The following FHIT variants were observed in gnomAD, a reference collection of about 807,000 sequenced individuals.
The protein encoded by FHIT is fragile histidine triad diadenosine triphosphatase, also known as bis(5'-adenosyl)-triphosphatase.
FHIT carries 19 observed loss-of-function variants against 17.9 expected under a neutral mutation model. The ratio of observed to expected loss-of-function variants is 1.06; its 90% CI spans 0.74 to 1.56. FHIT has a LOEUF of 1.56. Ranked by LOEUF, FHIT falls within the 40% of genes most tolerant of loss-of-function variation. The pLI, the probability that FHIT is intolerant of heterozygous loss-of-function variation, is 0.00. For missense variants in FHIT, 248 were observed against 189.2 expected (o/e 1.31, Z -1.82); for synonymous variants, 81 against 69.7 (o/e 1.16, Z -0.81).
chr3:60,145,477 C>T, intron 5 of FHIT, among the ~76,000 whole-genome samples: 2 of 152,104 alleles, frequency 1.3e-5, no homozygotes, highest in East Asian at 3.9e-4. Flanking sequence ...CATTTTGCCT[C>T]CAATTTAGTT....
chr3:59,907,736 T>G (rs767767609), intron 8 of FHIT, among the ~76,000 whole-genome samples: 2 of 152,236 alleles, frequency 1.3e-5, no homozygotes, highest in African/African-American at 4.8e-5. Flanking sequence ...ACAAACTCAG[T>G]GGCTTAAAAC....
chr3:60,994,598 G>A (rs916172728), intron 3 of FHIT, among the ~76,000 whole-genome samples: 7 of 152,100 alleles, frequency 4.6e-5, no homozygotes, highest in Admixed American at 6.6e-5. Context: ...AGATCATGCC[G>A]ATCAAGTACT....
At chr3:60,639,357 T>C (rs1301676157) in intron 4 of FHIT, among the ~76,000 whole-genome samples, 1 of 152,048 alleles carries the variant, frequency 6.6e-6, no homozygotes, top group African/African-American at 2.4e-5. Flanking sequence ...TGCAAATTCC[T>C]AAACTGCAAA....
chr3:60,325,022 T>G (rs1269317345), intron 5 of FHIT, among the ~76,000 whole-genome samples: 1 of 152,166 alleles, frequency 6.6e-6, no homozygotes, highest in Non-Finnish European at 1.5e-5. Flanking sequence ...GTTTCTACTG[T>G]GCTAATATAT....
chr3:60,050,547 C>A (rs2106876967), intron 5 of FHIT, among the ~76,000 whole-genome samples: 1 of 152,196 alleles, frequency 6.6e-6, no homozygotes, highest in East Asian at 1.9e-4. Context: ...GCATAAAATA[C>A]TATATATATA....
At chr3:61,109,489 G>A (rs544290687) in intron 2 of FHIT, among the ~76,000 whole-genome samples, 14 of 152,200 alleles carry the variant, frequency 9.2e-5, no homozygotes, top group African/African-American at 3.4e-4. Context: ...CATATAAACT[G>A]CATGTTTTTT....
intron 8 of FHIT, among the ~76,000 whole-genome samples, chr3:59,783,034 G>C (rs978272076): frequency 6.6e-6 from 1 of 152,064 alleles, no homozygotes; most frequent in Non-Finnish European, 1.5e-5. Flanking sequence ...TAGGTGTCTG[G>C]GGAGTAGGGG....
At chr3:60,534,290 G>A (rs543244320) in intron 5 of FHIT, among the ~76,000 whole-genome samples, 2 of 149,514 alleles carry the variant, frequency 1.3e-5, no homozygotes, top group Admixed American at 6.7e-5. Context: ...AAAATTAGCC[G>A]GGCGCGGTGG....
intron 8 of FHIT, among the ~76,000 whole-genome samples, chr3:59,891,810 T>C (rs892509317): frequency 3.3e-5 from 5 of 152,128 alleles, no homozygotes; most frequent in African/African-American, 9.7e-5. Context: ...TGAGGAGTGA[T>C]CCATTTAAAG....
At chr3:60,055,134 T>A (rs1702030559) in intron 5 of FHIT, among the ~76,000 whole-genome samples, 1 of 152,162 alleles carries the variant, frequency 6.6e-6, no homozygotes, top group South Asian at 2.1e-4. Context: ...CTCATATACT[T>A]TTCTCACATG....
rs770833079 is a variant in FHIT at position 60,536,931 on chromosome 3, T to G, written c.32A>C (p.Lys11Thr). 6.2e-7 allele frequency: 1 copy of G among 1,613,000 alleles called. No homozygotes were observed. The highest frequency in any genetic ancestry group is 1.1e-5 in the South Asian group (1 of 90,856). ...TGTTTTGAGAAACACTACAGAGGGCTTGATGAGATGTTGGCCAAATCTGAA... is the reference window on the plus strand; with the variant it reads ...TGTTTTGAGAAACACTACAGAGGGCGTGATGAGATGTTGGCCAAATCTGAA... MSFRFGQHLI[K>T]PSVVFLKTEL... Residue 11 changes from lysine to threonine, a missense_variant, in exon 5 of 10, where the codon AAG becomes ACG. Transcript: ENST00000492590.
intron 2 of FHIT, among the ~76,000 whole-genome samples, chr3:61,080,762 C>T (rs181670225): frequency 6.6e-6 from 1 of 152,012 alleles, no homozygotes; most frequent in African/African-American, 2.4e-5. Context: ...AGAGCCCTGA[C>T]AGCTTTGAAA....
intron 5 of FHIT, among the ~76,000 whole-genome samples, chr3:60,333,243 G>A (rs1048170266): frequency 5.9e-5 from 9 of 152,196 alleles, no homozygotes; most frequent in Non-Finnish European, 8.8e-5. Context: ...AATGCTAAAT[G>A]TGATTTAAAA....
intron 3 of FHIT, among the ~76,000 whole-genome samples, chr3:60,955,552 T>C (rs907576594): frequency 4.2e-5 from 6 of 142,174 alleles, no homozygotes; most frequent in Non-Finnish European, 7.8e-5. Context: ...AAAACCATTT[T>C]ATAATACTTA....
chr3:60,580,582 C>T (rs1000047922), intron 4 of FHIT, among the ~76,000 whole-genome samples: 2 of 152,026 alleles, frequency 1.3e-5, no homozygotes, highest in African/African-American at 4.8e-5. Flanking sequence ...ACAAAGCCAG[C>T]TATACAATAG....
At position 60,189,763 on chromosome 3, in the gene FHIT, G is replaced by C. The variant is rs777712992; in HGVS notation, c.104-175611C>G. The stretch of plus-strand genomic sequence containing the variant: ...TTACCCACGTTTTTTCATTTCAAAA[G>C]AGTTAACTACTTTGCTAAGGACTGA... On this transcript the variant is annotated intron_variant, in intron 5 of 9. Transcript: ENST00000492590. Among the ~76,000 whole-genome samples, 52 of 152,128 alleles carry C rather than the reference G, an allele frequency of 3.4e-4. 1 individual carries two copies. Among genetic ancestry groups the C allele is most frequent in the South Asian group, 1.7e-3 (8 of 4,830 alleles).
At chr3:60,207,489 T>C (rs1703252370) in intron 5 of FHIT, among the ~76,000 whole-genome samples, 1 of 152,088 alleles carries the variant, frequency 6.6e-6, no homozygotes, top group Non-Finnish European at 1.5e-5. Context: ...TTCTGAATTA[T>C]ACTGAGTTTC....
At chr3:60,572,271 C>T (rs1258567832) in intron 4 of FHIT, among the ~76,000 whole-genome samples, 1 of 152,068 alleles carries the variant, frequency 6.6e-6, no homozygotes, top group African/African-American at 2.4e-5. Flanking sequence ...CACACACACT[C>T]ATACACACAT....
At chr3:61,138,049 C>T (rs750028321) in intron 2 of FHIT, among the ~76,000 whole-genome samples, 11 of 152,278 alleles carry the variant, frequency 7.2e-5, no homozygotes, top group Admixed American at 3.3e-4. Context: ...ATTACTTAAC[C>T]GCTCTGTGAC....
Sources: allele counts gnomAD v4.1 joint callset (sites outside exome capture counted in the v4.1 genomes callset), GRCh38; gene constraint gnomAD v4.1.1; transcripts MANE v1.5; gene names NCBI Gene and HGNC (gene_info 2026-07-23, HGNC 2026-07-21).